Variants in BIRC6 observed in about 807,000 individuals in gnomAD.
BIRC6 encodes the protein dual E2 ubiquitin-conjugating enzyme/E3 ubiquitin-protein ligase BIRC6.
Under a neutral mutation model 503.3 loss-of-function variants are expected in BIRC6, and 98 were observed. The observed-to-expected ratio is 0.19, with a 90% CI of 0.17 to 0.23. The LOEUF is 0.23. Among genes scored for constraint, BIRC6 ranks in the 10% least tolerant of loss-of-function variants. The pLI is 1.00. For synonymous variants in BIRC6, 2,240 were observed against 2,078.7 expected, an observed-to-expected ratio of 1.08 and a Z score of -2.11; for missense variants, 5,360 against 5,806.0, an observed-to-expected ratio of 0.92 and a Z score of 2.50.
intron 5 of BIRC6, 66 bp downstream of exon 5, chr2:32,392,216 C>A: frequency 8.8e-7 from 1 of 1,140,978 alleles, no homozygotes; most frequent in Non-Finnish European, 1.3e-6. Flanking sequence ...AAAATTATCA[C>A]ATTTTTTTAA....
At chr2:32,566,249 G>A (rs1446791780) in intron 65 of BIRC6, 1 of 152,058 alleles carries the variant, frequency 6.6e-6, no homozygotes, top group African/African-American at 2.4e-5. Flanking sequence ...TAAAACAGTT[G>A]CATATTAATA....
Position 32,490,049 on chromosome 2 carries a change from A to G in BIRC6, c.8104A>G (p.Thr2702Ala). 1 of 1,607,904 alleles carries G rather than the reference A, an allele frequency of 6.2e-7. No homozygotes were observed. Among genetic ancestry groups the G allele is most frequent in the Non-Finnish European group, 8.5e-7 (1 of 1,174,654 alleles). The change falls in exon 43 of 74, where the codon ACT becomes GCT. Residue 2702 changes from threonine to alanine, a missense_variant. Physicochemically the swap from Thr to Ala is moderately conservative, Grantham distance 58. Transcript: ENST00000421745. ...TTCTCTTTTCTGCATAGCATCAATA[A>G]CTAGCTTTCTCACAGTGTTAGCTTG... is the stretch of plus-strand genomic sequence containing the variant. ...PVISLNQASI[T>A]SFLTVLAWYP...
intron 1 of BIRC6, among the ~76,000 whole-genome samples, chr2:32,369,911 T>C (rs1483223151): frequency 9.0e-6 from 1 of 110,614 alleles, no homozygotes; most frequent in Non-Finnish European, 1.7e-5. Context: ...GGCAACATAG[T>C]GAGACCCTGT....
At chr2:32,464,857 C>T in intron 25 of BIRC6, 34 bp downstream of exon 25, 1 of 1,550,594 alleles carries the variant, frequency 6.4e-7, no homozygotes, top group Non-Finnish European at 8.7e-7. Context: ...TTGGCTTAGA[C>T]ATTTAAAAAT....
chr2:32,455,990 T>C (rs1306189009), intron 23 of BIRC6, among the ~76,000 whole-genome samples: 1 of 152,170 alleles, frequency 6.6e-6, no homozygotes, highest in African/African-American at 2.4e-5. Context: ...TAATATAATA[T>C]CTATGCGGAA....
rs2049898011 is a variant in BIRC6, at chr2:32,477,488, C to T, written c.6973C>T (p.His2325Tyr). The change falls in exon 35 of 74, where the codon CAT (histidine) becomes TAT (tyrosine). Residue 2325 changes from histidine (H) to tyrosine (Y), a missense_variant. This residue lies in a region of BIRC6 where 2,299 missense variants were observed against 2,267.2 expected (regional missense o/e 1.01). Transcript: ENST00000421745. ...AGAACCACTTCCATTTACTCTGGCCCATGAGCGTTGTATCTCAGTAGTCCA... is the reference window on the plus strand; with the variant it reads ...AGAACCACTTCCATTTACTCTGGCCTATGAGCGTTGTATCTCAGTAGTCCA... Reference protein sequence around the residue: ...EIEPLPFTLAHERCISVVQKL... With the variant: ...EIEPLPFTLAYERCISVVQKL... 1.2e-6 allele frequency: 2 copies of T among 1,613,860 alleles called. No homozygotes were observed. The highest frequency in any genetic ancestry group is 1.1e-5 in the South Asian group (1 of 91,076).
chr2:32,567,591 G>T (rs184623084), intron 65 of BIRC6, among the ~76,000 whole-genome samples: 95 of 152,342 alleles, frequency 6.2e-4, no homozygotes, highest in African/African-American at 2.2e-3. Context: ...AGTATCATGG[G>T]ATAATGGGAA....
rs142383253 is a variant in BIRC6 at position 32,414,953 on chromosome 2, A to C, written c.1662A>C (p.Glu554Asp). 6.2e-7 allele frequency: 1 copy of C among 1,614,028 alleles called. No individual in the cohort carries two copies. Among genetic ancestry groups the C allele is most frequent in the East Asian group, 2.2e-5 (1 of 44,874 alleles). The stretch of plus-strand genomic sequence containing the variant: ...ACTCTAAGAGTGAAAAGACAAAGGA[A>C]AAGCACCAGGAGCAACACAACATTC... The part of the protein sequence containing the change: ...LTNSKSEKTK[E>D]KHQEQHNIPF... The change falls in exon 10 of 74, where the codon GAA (glutamate) becomes GAC (aspartate). Residue 554 changes from glutamate (E) to aspartate (D), a missense_variant. Glu to Asp is a conservative substitution (Grantham distance 45). This residue lies in a region of BIRC6 where 700 missense variants were observed against 739.3 expected (regional missense o/e 0.95). Transcript: ENST00000421745.
At chr2:32,500,495 G>A (rs565937174) in intron 46 of BIRC6, among the ~76,000 whole-genome samples, 25 of 150,058 alleles carry the variant, frequency 1.7e-4, no homozygotes, top group Admixed American at 4.0e-4. Flanking sequence ...TCGGCTCACT[G>A]TAACCCCCGC....
chr2:32,389,477 A>G (rs1217279825), intron 4 of BIRC6, among the ~76,000 whole-genome samples: 1 of 152,100 alleles, frequency 6.6e-6, no homozygotes, highest in Non-Finnish European at 1.5e-5. Flanking sequence ...TACAAAAATC[A>G]TACCTAAACC....
intron 65 of BIRC6, among the ~76,000 whole-genome samples, chr2:32,560,918 G>A (rs1379552801): frequency 1.3e-5 from 2 of 151,762 alleles, no homozygotes; most frequent in Non-Finnish European, 2.9e-5. Context: ...CCTGCAAGTA[G>A]GCCGGGGGCG....
At chr2:32,427,539 G>T (rs923322954) in intron 10 of BIRC6, among the ~76,000 whole-genome samples, 1 of 152,252 alleles carries the variant, frequency 6.6e-6, no homozygotes, top group South Asian at 2.1e-4. Flanking sequence ...GCCCGCCTCC[G>T]TCTCCCAAGG....
chr2:32,607,831 A>G (rs1028721152), intron 72 of BIRC6, among the ~76,000 whole-genome samples, 188 bp downstream of exon 72: 6 of 151,568 alleles, frequency 4.0e-5, no homozygotes, highest in Non-Finnish European at 7.4e-5. Flanking sequence ...AAAGAAAAAG[A>G]TAAATTAGCC....
chr2:32,563,048 G>T (rs1367214254), intron 65 of BIRC6, among the ~76,000 whole-genome samples: 1 of 152,176 alleles, frequency 6.6e-6, no homozygotes, highest in African/African-American at 2.4e-5. Flanking sequence ...CTTCAATGTT[G>T]TGCTGGCTAT....
chr2:32,520,341 C>T (rs746248044), intron 57 of BIRC6, among the ~76,000 whole-genome samples: 6 of 151,888 alleles, frequency 4.0e-5, no homozygotes, highest in Non-Finnish European at 5.9e-5. Flanking sequence ...TCTTTCCTAC[C>T]GTTTTACAAC....
chr2:32,572,123 A>G (rs1201033972), intron 65 of BIRC6, among the ~76,000 whole-genome samples: 1 of 152,166 alleles, frequency 6.6e-6, no homozygotes, highest in Non-Finnish European at 1.5e-5. Context: ...AAATTTTGTT[A>G]AGACTCCTTT....
At chr2:32,603,162 A>G in intron 71 of BIRC6, 79 bp downstream of exon 71, 1 of 1,037,298 alleles carries the variant, frequency 9.6e-7, no homozygotes. Flanking sequence ...AGTGACCAAG[A>G]ATAAATATAG....
rs538154092 is a variant in BIRC6, at chr2:32,401,264, T to C, written c.1136T>C (p.Phe379Ser). 1 of 1,614,052 alleles carries C rather than the reference T, an allele frequency of 6.2e-7. No homozygotes were observed. The highest frequency in any genetic ancestry group is 8.5e-7 in the Non-Finnish European group (1 of 1,179,898). The change falls in exon 7 of 74, where the codon TTT becomes TCT. Residue 379 changes from phenylalanine to serine, a missense_variant. Phe to Ser is a radical substitution (Grantham distance 155). This residue lies in a region of BIRC6 where 92 missense variants were observed against 176.7 expected (regional missense o/e 0.52). Transcript: ENST00000421745. ...SVTLATSPAQ[F>S]PCTDGTDRIS... Reference sequence around the variant, plus strand: ...ACTCTTGCAACAAGTCCTGCACAGTTTCCTTGTACGGATGGAACTGACAGA... The same window carrying C: ...ACTCTTGCAACAAGTCCTGCACAGTCTCCTTGTACGGATGGAACTGACAGA...
intron 9 of BIRC6, among the ~76,000 whole-genome samples, chr2:32,409,250 C>G (rs1433803002): frequency 6.6e-6 from 1 of 152,058 alleles, no homozygotes; most frequent in Non-Finnish European, 1.5e-5. Context: ...ACCTCTGCCT[C>G]CTGGGTTCAA....
Sources: gnomAD v4.1 joint callset for allele counts (sites outside exome capture counted in the v4.1 genomes callset) on GRCh38, gnomAD v4.1.1 for gene constraint, gnomAD v4.1.1 regional missense constraint, MANE v1.5 for transcripts, NCBI Gene and HGNC (gene_info 2026-07-23, HGNC 2026-07-21) for gene names.